The following UBE2H variants were observed in gnomAD, a reference collection of about 807,000 sequenced individuals.
The protein encoded by UBE2H is ubiquitin conjugating enzyme E2 H, also known as ubiquitin-conjugating enzyme E2 H.
A neutral mutation model predicts 29.0 loss-of-function variants in UBE2H; 3 were observed. The ratio of observed to expected loss-of-function variants is 0.10; its 90% confidence interval spans 0.05 to 0.27. The LOEUF is 0.27. UBE2H is among the 10% of genes least tolerant of loss of function. The pLI, the probability that UBE2H is intolerant of heterozygous loss-of-function variation, is 1.00. For synonymous variants in UBE2H, 69 were observed against 82.9 expected (o/e 0.83, Z 0.91); for missense variants, 68 against 228.2 (o/e 0.30, Z 4.52).
intron 1 of UBE2H, among the ~76,000 whole-genome samples, chr7:129,915,571 T>G (rs998770543): frequency 6.6e-6 from 1 of 152,140 alleles, no homozygotes; most frequent in Non-Finnish European, 1.5e-5. Flanking sequence ...CTACTGGTAC[T>G]TTCAGGCAGG....
At chr7:129,943,630 C>G (rs1465835239) in intron 1 of UBE2H, among the ~76,000 whole-genome samples, 1 of 152,114 alleles carries the variant, frequency 6.6e-6, no homozygotes, top group Non-Finnish European at 1.5e-5. Flanking sequence ...GGCCAGGCAT[C>G]GTGGCTCACA....
chr7:129,930,909 CAAAAAAAAAAA>C (rs71175050), intron 1 of UBE2H, among the ~76,000 whole-genome samples: 2 of 34,288 alleles, frequency 5.8e-5, no homozygotes, highest in African/African-American at 2.3e-4. Context: ...CCCCGTCTCA[CAAAAAAAAAAA>C]AAAAAAAAAA....
intron 1 of UBE2H, among the ~76,000 whole-genome samples, chr7:129,912,368 C>T (rs1806954413): frequency 6.6e-6 from 1 of 152,122 alleles, no homozygotes; most frequent in Non-Finnish European, 1.5e-5. Flanking sequence ...CAAGTCTAAA[C>T]ATGAAATTCA....
chr7:129,910,022 G>A (rs890567879), intron 1 of UBE2H, among the ~76,000 whole-genome samples: 3 of 151,948 alleles, frequency 2.0e-5, no homozygotes, highest in African/African-American at 4.8e-5. Flanking sequence ...CAAGGCTTGA[G>A]GTGAATATTG....
chr7:129,837,287 G>A (rs549613436), intron 6 of UBE2H, among the ~76,000 whole-genome samples: 37 of 152,306 alleles, frequency 2.4e-4, no homozygotes, highest in Non-Finnish European at 4.7e-4. Flanking sequence ...GGAAGAGAGG[G>A]AGCCCAGGGA....
chr7:129,873,011 T>C (rs1584757625), intron 3 of UBE2H, among the ~76,000 whole-genome samples: 4 of 151,250 alleles, frequency 2.6e-5, no homozygotes, highest in African/African-American at 7.3e-5. Flanking sequence ...GCCATTAATA[T>C]AGCTCAGAGT....
Position 129,865,595 on chromosome 7 carries a change from C to T in UBE2H, c.206-6654G>A, listed in dbSNP as rs569507422. Among the ~76,000 whole-genome samples the T allele has an allele frequency of 2.0e-5, 3 of 152,308 alleles. No homozygotes were observed. The East Asian group carries it at 5.8e-4, about 29-fold the overall frequency. Reference sequence around the variant, plus strand: ...AGATCACCAAAGGCCAAAACAGCAGCTACATCCCAGGGATAAAATAAGCCT... The same window carrying T: ...AGATCACCAAAGGCCAAAACAGCAGTTACATCCCAGGGATAAAATAAGCCT... On this transcript the variant is annotated intron_variant, in intron 3 of 6. Coordinates refer to ENST00000355621, the MANE Select transcript of UBE2H (RefSeq NM_003344.4).
At chr7:129,921,490 G>A (rs1329153574) in intron 1 of UBE2H, among the ~76,000 whole-genome samples, 1 of 152,086 alleles carries the variant, frequency 6.6e-6, no homozygotes, top group Non-Finnish European at 1.5e-5. Flanking sequence ...TTGAGGTCAG[G>A]CGTTCAAGAC....
chr7:129,909,615 G>A (rs770203473), intron 1 of UBE2H, among the ~76,000 whole-genome samples: 2 of 152,092 alleles, frequency 1.3e-5, no homozygotes, highest in African/African-American at 2.4e-5. Context: ...TAGCACTTTG[G>A]GAGGCTGAGG....
chr7:129,911,643 T>C (rs1010555320), intron 1 of UBE2H, among the ~76,000 whole-genome samples: 3 of 152,064 alleles, frequency 2.0e-5, no homozygotes, highest in African/African-American at 4.8e-5. Flanking sequence ...ATGTTTTTTT[T>C]AATTATTTTT....
chr7:129,937,383 T>C (rs1002309113), intron 1 of UBE2H, among the ~76,000 whole-genome samples: 2 of 152,092 alleles, frequency 1.3e-5, no homozygotes, highest in African/African-American at 4.8e-5. Flanking sequence ...TGAAATGAAA[T>C]TACAGTCTTT....
chr7:129,937,426 A>G (rs1373191155), intron 1 of UBE2H, among the ~76,000 whole-genome samples: 1 of 152,236 alleles, frequency 6.6e-6, no homozygotes, highest in Non-Finnish European at 1.5e-5. Flanking sequence ...CAGATATATC[A>G]TGGTTTATAT....
At chr7:129,921,380 A>G (rs1469919448) in intron 1 of UBE2H, among the ~76,000 whole-genome samples, 1 of 152,144 alleles carries the variant, frequency 6.6e-6, no homozygotes, top group East Asian at 1.9e-4. Flanking sequence ...ATGCAGCTAC[A>G]AAAGCAAATT....
chr7:129,914,943 C>CA (rs1807014035), intron 1 of UBE2H, among the ~76,000 whole-genome samples: 1 of 152,172 alleles, frequency 6.6e-6, no homozygotes, highest in Non-Finnish European at 1.5e-5. Flanking sequence ...CTAAAAAACA[C>CA]AATGTCCGGC....
intron 1 of UBE2H, among the ~76,000 whole-genome samples, chr7:129,886,439 C>T (rs978148570): frequency 2.0e-5 from 3 of 152,196 alleles, no homozygotes; most frequent in African/African-American, 7.2e-5. Flanking sequence ...GATTTTTATA[C>T]AGTTCTGAAA....
chr7:129,887,803 A>ATTACGGTGAGCCAAAG (rs1317455241), intron 1 of UBE2H, among the ~76,000 whole-genome samples: 4 of 152,144 alleles, frequency 2.6e-5, no homozygotes, highest in East Asian at 1.9e-4. Context: ...GGAGGCGGAG[A>ATTACGGTGAGCCAAAG]TTACGGTGAG....
intron 3 of UBE2H, among the ~76,000 whole-genome samples, chr7:129,871,817 G>C (rs1806041204): frequency 6.6e-6 from 1 of 152,008 alleles, no homozygotes; most frequent in Non-Finnish European, 1.5e-5. Context: ...GTACACAGGT[G>C]ATCTGAATGG....
At chr7:129,934,933 A>ATATATATATATGTGTGTGTGTG (rs1807491404) in intron 1 of UBE2H, among the ~76,000 whole-genome samples, 1 of 5,392 alleles carries the variant, frequency 1.9e-4, no homozygotes, top group Non-Finnish European at 7.1e-4. Flanking sequence ...ATATATGTGT[A>ATATATATATATGTGTGTGTGTG]TATATATATA....
At chr7:129,857,236 TTC>T in intron 5 of UBE2H, 1 of 418,374 alleles carries the variant, frequency 2.4e-6, no homozygotes. Context: ...TGCACATGTA[TTC>T]ATGTGTGTGC....
Sources: allele counts gnomAD v4.1 joint callset (sites outside exome capture counted in the v4.1 genomes callset), GRCh38; gene constraint gnomAD v4.1.1; transcripts MANE v1.5; gene names NCBI Gene and HGNC (gene_info 2026-07-23, HGNC 2026-07-21).